NDUFA5: variants seen among roughly 807,000 people sequenced by gnomAD.
NDUFA5 encodes the protein NADH:ubiquinone oxidoreductase subunit A5, also known as NADH dehydrogenase [ubiquinone] 1 alpha subcomplex subunit 5.
NDUFA5 carries 11 observed loss-of-function variants against 19.8 expected under a neutral mutation model. The ratio of observed to expected loss-of-function variants is 0.56; its 90% CI spans 0.35 to 0.92. The LOEUF (loss-of-function observed/expected upper bound fraction) is 0.92. NDUFA5 is among the 40% of genes least tolerant of loss of function. NDUFA5 has a pLI of 0.01. For missense variants in NDUFA5, 109 were observed against 134.2 expected (o/e 0.81, Z 0.93); for synonymous variants, 47 against 46.8 (o/e 1.00, Z -0.01).
At chr7:123,597,917 C>CGTGT in the NDUFA5 span, among the ~76,000 whole-genome samples, 13,714 of 132,808 alleles carry the variant, frequency 0.1, 661 homozygotes, top group Admixed American at 0.13. Flanking sequence ...TTTCAAACTT[C>CGTGT]GTGTGTGTGT....
the NDUFA5 span, among the ~76,000 whole-genome samples, chr7:123,582,020 G>A: frequency 6.6e-6 from 1 of 151,966 alleles, no homozygotes; most frequent in Non-Finnish European, 1.5e-5. Context: ...TTCCATTTGT[G>A]AATAGAGAAC....
chr7:123,597,860 G>A, the NDUFA5 span, among the ~76,000 whole-genome samples: 5 of 151,756 alleles, frequency 3.3e-5, no homozygotes, highest in African/African-American at 1.2e-4. Flanking sequence ...CAGATATGGG[G>A]AAACTACTCT....
chr7:123,553,304 G>C (rs1002257201), intron 2 of NDUFA5, among the ~76,000 whole-genome samples: 1 of 152,218 alleles, frequency 6.6e-6, no homozygotes, highest in Non-Finnish European at 1.5e-5. Flanking sequence ...GATGAAAGAG[G>C]GGCAAAGGCT....
At chr7:123,547,104 G>A (rs1798160322) in intron 3 of NDUFA5, among the ~76,000 whole-genome samples, 1 of 152,138 alleles carries the variant, frequency 6.6e-6, no homozygotes. Flanking sequence ...AGCTGAAAGA[G>A]GCAAGAACAG....
chr7:123,553,097 A>G (rs2116166558), intron 2 of NDUFA5, among the ~76,000 whole-genome samples: 1 of 152,362 alleles, frequency 6.6e-6, no homozygotes. Context: ...TTCCATGTAC[A>G]ATACCACACT....
the NDUFA5 span, among the ~76,000 whole-genome samples, chr7:123,581,380 G>A: frequency 3.5e-5 from 5 of 142,430 alleles, no homozygotes; most frequent in African/African-American, 1.3e-4. Context: ...GAGTGTGGGA[G>A]TGAAAACAAA....
At chr7:123,599,498 C>T in the NDUFA5 span, among the ~76,000 whole-genome samples, 1 of 152,210 alleles carries the variant, frequency 6.6e-6, no homozygotes, top group African/African-American at 2.4e-5. Flanking sequence ...GCAAGTGCCA[C>T]ACTCTTTTTC....
chr7:123,584,137 A>G, the NDUFA5 span, among the ~76,000 whole-genome samples: 1 of 151,744 alleles, frequency 6.6e-6, no homozygotes, highest in East Asian at 1.9e-4. Context: ...CTAAACTTGG[A>G]CCATATTAAC....
chr7:123,563,494 TTAA>T, the NDUFA5 span, among the ~76,000 whole-genome samples: 2 of 152,148 alleles, frequency 1.3e-5, no homozygotes, highest in African/African-American at 4.8e-5. Flanking sequence ...TCTAAGACAC[TTAA>T]TAACACTAAC....
At position 123,537,518 on chromosome 7, in the gene NDUFA5, T is replaced by G. The variant is rs1262365103; in HGVS notation, c.*4601A>C. Reference sequence around the variant, plus strand: ...TGATATTCACAATTTTTCAGATTTTTGAAAGGAAATATGGGCATATACTTT... The same window carrying G: ...TGATATTCACAATTTTTCAGATTTTGGAAAGGAAATATGGGCATATACTTT... On this transcript the variant is annotated 3_prime_UTR_variant, in exon 5 of 5. Transcript: ENST00000355749. The G allele has an allele frequency of 6.6e-6, 1 of 152,192 alleles. No homozygotes were observed. Among genetic ancestry groups the G allele is most frequent in the African/African-American group, 2.4e-5 (1 of 41,454 alleles). 9.4% of individuals were successfully genotyped at this position (152,192 alleles called of 1,614,324 possible). A position where few individuals can be genotyped will look rare whatever the true frequency, so the allele number is the denominator to read the frequency against.
intron 3 of NDUFA5, among the ~76,000 whole-genome samples, chr7:123,549,281 G>A (rs1239864417): frequency 6.6e-6 from 1 of 152,120 alleles, no homozygotes; most frequent in African/African-American, 2.4e-5. Flanking sequence ...TTAGTTATAA[G>A]GCAGTTTAAA....
chr7:123,592,523 T>C, the NDUFA5 span, among the ~76,000 whole-genome samples: 1 of 152,252 alleles, frequency 6.6e-6, no homozygotes, highest in Non-Finnish European at 1.5e-5. Context: ...TCTTCATTTC[T>C]GCCTTCATTT....
chr7:123,552,132 T>C (rs1265499990), intron 2 of NDUFA5, among the ~76,000 whole-genome samples: 3 of 151,620 alleles, frequency 2.0e-5, no homozygotes, highest in Non-Finnish European at 2.9e-5. Context: ...TCTCAATAAT[T>C]ACAAGTATAC....
At chr7:123,557,067 C>T in intron 2 of NDUFA5, 1 of 543,598 alleles carries the variant, frequency 1.8e-6, no homozygotes, top group Non-Finnish European at 3.5e-6. Context: ...TAATCCAACG[C>T]ACCTAAGCAG....
At chr7:123,566,101 G>C in the NDUFA5 span, among the ~76,000 whole-genome samples, 22 of 152,012 alleles carry the variant, frequency 1.4e-4, no homozygotes, top group Non-Finnish European at 2.6e-4. Flanking sequence ...GAGGTCATTA[G>C]AGTGAGACCT....
the NDUFA5 span, among the ~76,000 whole-genome samples, chr7:123,572,233 CT>C: frequency 5.7e-5 from 8 of 140,242 alleles, no homozygotes; most frequent in Admixed American, 1.6e-4. Flanking sequence ...CCTCTGCCTC[CT>C]GGGTTCAAGC....
At chr7:123,595,440 G>T in the NDUFA5 span, among the ~76,000 whole-genome samples, 1 of 152,158 alleles carries the variant, frequency 6.6e-6, no homozygotes, top group Non-Finnish European at 1.5e-5. Flanking sequence ...CTTTGTGAAA[G>T]TTCTCAGCAC....
In NDUFA5 at chr7:123,545,649, G is replaced by T; in HGVS notation, c.211C>A (p.Gln71Lys). The change falls in exon 4 of 5, where the codon CAA (glutamine) becomes AAA (lysine). Residue 71 changes from glutamine (Q) to lysine (K), a missense_variant. Transcript: ENST00000355749. ...AEPDVKKLED[Q>K]LQGGQLEEVI... Reference sequence around the variant, plus strand: ...TCTTCTAATTGACCGCCTTGAAGTTGGTCTTCTAATTTTTTAACATCTGGT... The same window carrying T: ...TCTTCTAATTGACCGCCTTGAAGTTTGTCTTCTAATTTTTTAACATCTGGT... 6.2e-7 allele frequency: 1 copy of T among 1,609,024 alleles called. No individual in the cohort carries two copies. Among genetic ancestry groups the T allele is most frequent in the Non-Finnish European group, 8.5e-7 (1 of 1,178,294 alleles).
the NDUFA5 span, among the ~76,000 whole-genome samples, chr7:123,575,068 T>C: frequency 6.6e-6 from 1 of 151,696 alleles, no homozygotes; most frequent in Admixed American, 6.6e-5. Context: ...TCCTTTTTTT[T>C]TTTTTTTTGG....
Sources: allele counts gnomAD v4.1 joint callset (sites outside exome capture counted in the v4.1 genomes callset), GRCh38; gene constraint gnomAD v4.1.1; transcripts MANE v1.5; gene names NCBI Gene and HGNC (gene_info 2026-07-23, HGNC 2026-07-21).